NSD1: variants seen among roughly 807,000 people sequenced by gnomAD.
NSD1 encodes the protein nuclear receptor binding SET domain protein 1.
Under a neutral mutation model 242.7 loss-of-function variants are expected in NSD1, and 26 were observed. That is an observed-to-expected ratio of 0.11 (90% confidence interval 0.08 to 0.15). The LOEUF (loss-of-function observed/expected upper bound fraction) is 0.15. Among genes scored for constraint, NSD1 ranks in the 10% least tolerant of loss-of-function variants. The pLI is 1.00. For synonymous variants in NSD1, 1,106 were observed against 1,178.1 expected (o/e 0.94, Z 1.25); for missense variants, 2,495 against 3,272.8 (o/e 0.76, Z 5.80).
In NSD1 at chr5:177,269,819, C is replaced by T. The variant is rs1305875113; in HGVS notation, c.5509+12C>T. The T allele has an allele frequency of 1.2e-6, 2 of 1,604,030 alleles. No homozygotes were observed. The highest frequency in any genetic ancestry group is 2.7e-5 in the African/African-American group (2 of 74,478). ...GACATATAAAAAAGGTAACTTTATC[C>T]TTTTTGTTTCTCAGGCAAACACAGA... On this transcript the variant is annotated intron_variant, in intron 16 of 22. Coordinates refer to ENST00000439151, the MANE Select transcript of NSD1 (RefSeq NM_022455.5). The surrounding 1 kb of genome is among the most constrained non-coding windows in gnomAD (Gnocchi z 5.1).
chr5:177,162,196 G>T (rs1758812902), intron 2 of NSD1, among the ~76,000 whole-genome samples: 1 of 151,910 alleles, frequency 6.6e-6, no homozygotes, highest in Non-Finnish European at 1.5e-5. Context: ...TACTCGGGAG[G>T]CTGAGGCATG....
intron 5 of NSD1, among the ~76,000 whole-genome samples, chr5:177,219,961 C>CAA (rs557660794): frequency 2.1e-4 from 30 of 144,264 alleles, no homozygotes; most frequent in African/African-American, 7.6e-4. Context: ...GATCCTGTGT[C>CAA]AAAAAAAAAA....
Position 177,282,613 on chromosome 5 carries a change from A to G in NSD1, c.6009+32A>G. On this transcript the variant is annotated intron_variant, in intron 19 of 22. Transcript: ENST00000439151. Reference sequence around the variant, plus strand: ...AATGGGAAATGCTGTTTTCACTGTTACAAGATTGTAAATTTGTGTTGTCCC... The same window carrying G: ...AATGGGAAATGCTGTTTTCACTGTTGCAAGATTGTAAATTTGTGTTGTCCC... 4.9e-6 allele frequency: 7 copies of G among 1,418,290 alleles called. No homozygotes were observed. In the South Asian group the frequency reaches 8.0e-5, roughly 16 times the overall value. The allele number at this position is 1,418,290 out of a possible 1,614,324, so 87.9% of individuals were successfully genotyped here. A position where few individuals can be genotyped will look rare whatever the true frequency, so the allele number is the denominator to read the frequency against.
chr5:177,152,335 A>G (rs1027256047), intron 2 of NSD1, among the ~76,000 whole-genome samples: 1 of 150,234 alleles, frequency 6.7e-6, no homozygotes. Flanking sequence ...GTATGTATGT[A>G]TGTATGTATG....
upstream of NSD1, among the ~76,000 whole-genome samples, chr5:177,132,349 C>T (rs1730636274): frequency 1.3e-5 from 2 of 151,202 alleles, no homozygotes; most frequent in African/African-American, 2.4e-5. The surrounding 1 kb of genome is among the most constrained non-coding windows in gnomAD (Gnocchi z 7.5). Context: ...CGGTGCGAGG[C>T]GCGGCCCGTC....
At chr5:177,143,227 G>A (rs1756969374) in intron 2 of NSD1, among the ~76,000 whole-genome samples, 1 of 151,734 alleles carries the variant, frequency 6.6e-6, no homozygotes, top group Non-Finnish European at 1.5e-5. Context: ...ATTTCCTCAT[G>A]TACTCAATTT....
At chr5:177,179,674 A>G (rs879930127) in intron 2 of NSD1, among the ~76,000 whole-genome samples, 3 of 152,220 alleles carry the variant, frequency 2.0e-5, no homozygotes, top group Non-Finnish European at 2.9e-5. Context: ...CATGAGCACT[A>G]TCTCAGAGGA....
At chr5:177,257,770 C>T (rs911885610) in intron 13 of NSD1, among the ~76,000 whole-genome samples, 44 of 151,936 alleles carry the variant, frequency 2.9e-4, no homozygotes, top group Non-Finnish European at 5.4e-4. Flanking sequence ...ATGTCCTCTT[C>T]CCCCTATTGA....
intron 2 of NSD1, among the ~76,000 whole-genome samples, chr5:177,173,099 C>G (rs1759852554): frequency 6.6e-6 from 1 of 151,514 alleles, no homozygotes; most frequent in South Asian, 2.1e-4. Flanking sequence ...CGAAACCATC[C>G]TGGCTAACAC....
intron 14 of NSD1, among the ~76,000 whole-genome samples, chr5:177,261,128 C>G (rs1304578682): frequency 2.0e-5 from 3 of 152,038 alleles, no homozygotes; most frequent in Non-Finnish European, 4.4e-5. Context: ...TCACTGCAAC[C>G]TCTGCTGCCA....
intron 2 of NSD1, among the ~76,000 whole-genome samples, chr5:177,152,812 G>A (rs1757837681): frequency 6.6e-6 from 1 of 150,460 alleles, no homozygotes; most frequent in African/African-American, 2.4e-5. Flanking sequence ...AGCCTCCCGA[G>A]TAGCTGAAAT....
At chr5:177,285,824 G>A (rs371873589) in intron 20 of NSD1, among the ~76,000 whole-genome samples, 1 of 152,090 alleles carries the variant, frequency 6.6e-6, no homozygotes, top group East Asian at 1.9e-4. Context: ...GTTGTCCTCA[G>A]GAAGCATTGA....
intron 5 of NSD1, among the ~76,000 whole-genome samples, chr5:177,217,402 C>G (rs777925990): frequency 1.3e-5 from 2 of 151,978 alleles, no homozygotes; most frequent in Non-Finnish European, 2.9e-5. Flanking sequence ...TTAGGGTTTC[C>G]TACATAAAGG....
At chr5:177,229,683 G>T in intron 5 of NSD1, 1 of 356,662 alleles carries the variant, frequency 2.8e-6, no homozygotes, top group Non-Finnish European at 5.4e-6. Context: ...AGGGAGTTGG[G>T]GTAGTTGAGG....
intron 4 of NSD1, among the ~76,000 whole-genome samples, chr5:177,207,806 G>C (rs996594053): frequency 6.6e-6 from 1 of 151,712 alleles, no homozygotes; most frequent in Non-Finnish European, 1.5e-5. Context: ...GCAGTGGCAC[G>C]GTTTCGGCAC....
At chr5:177,274,590 G>T (rs1363478185) in intron 17 of NSD1, among the ~76,000 whole-genome samples, 2 of 152,130 alleles carry the variant, frequency 1.3e-5, no homozygotes, top group African/African-American at 4.8e-5. Context: ...GAGAAAAGGA[G>T]ATTACCCAGG....
chr5:177,154,984 C>T (rs1265559038), intron 2 of NSD1, among the ~76,000 whole-genome samples: 1 of 150,860 alleles, frequency 6.6e-6, no homozygotes, highest in East Asian at 2.0e-4. Flanking sequence ...GCGTGAGGCA[C>T]CGTGCCCGGC....
chr5:177,295,045 T>C lies in NSD1; in HGVS notation c.7677T>C (p.Ala2559=). 3.1e-6 allele frequency: 5 copies of C among 1,614,030 alleles called. No individual in the cohort carries two copies. The highest frequency in any genetic ancestry group is 4.2e-6 in the Non-Finnish European group (5 of 1,179,952). The stretch of plus-strand genomic sequence containing the variant: ...CAACAACTCAGGCCTCAGGAAGAGC[T>C]TCTGCAGGGGCTGAGCAGACCCCAG... ...YEPTTQASGR[A]SAGAEQTPGP... is the part of the protein sequence containing the mutation. The change falls in exon 23 of 23, where the codon GCT becomes GCC. Residue 2559 remains alanine, a synonymous_variant. Coordinates refer to ENST00000439151, the MANE Select transcript of NSD1 (RefSeq NM_022455.5). This position sits in a 1 kb window ranked among gnomAD's most constrained non-coding sequence, Gnocchi z 4.3.
chr5:177,277,670 A>C (rs546181871), intron 17 of NSD1, among the ~76,000 whole-genome samples: 181 of 152,244 alleles, frequency 1.2e-3, no homozygotes, highest in African/African-American at 4.2e-3. Context: ...TATATTTTCC[A>C]GCCTGGGCAA....
Sources: allele counts gnomAD v4.1 joint callset (sites outside exome capture counted in the v4.1 genomes callset), GRCh38; gene constraint gnomAD v4.1.1; non-coding constraint Gnocchi (gnomAD v3.1); transcripts MANE v1.5; gene names NCBI Gene and HGNC (gene_info 2026-07-23, HGNC 2026-07-21).